The following PRKAR1A variants were observed in gnomAD, a reference collection of about 807,000 sequenced individuals.
PRKAR1A encodes protein kinase cAMP-dependent type I regulatory subunit alpha, also known as cAMP-dependent protein kinase type I-alpha regulatory subunit.
In PRKAR1A, 3 loss-of-function variants were observed where a neutral mutation model predicts 52.0. The observed-to-expected ratio is 0.06, with a 90% confidence interval of 0.03 to 0.15. The LOEUF (loss-of-function observed/expected upper bound fraction) is 0.15, where lower values mean the gene tolerates loss of function less well. Among genes scored for constraint, PRKAR1A ranks in the 10% least tolerant of loss-of-function variants. The pLI, the probability that PRKAR1A is intolerant of heterozygous loss-of-function variation, is 1.00. For synonymous variants in PRKAR1A, 188 were observed against 168.4 expected (o/e 1.12, Z -0.90); for missense variants, 240 against 477.4 (o/e 0.50, Z 4.63).
the PRKAR1A span, among the ~76,000 whole-genome samples, chr17:68,478,854 A>C: frequency 2.0e-5 from 3 of 151,792 alleles, no homozygotes; most frequent in Non-Finnish European, 4.4e-5. Context: ...CAGCCTCCCG[A>C]GTAGCTGGGA....
intron 11 of PRKAR1A, chr17:68,540,953 T>G: frequency 6.3e-7 from 1 of 1,586,768 alleles, no homozygotes; most frequent in Non-Finnish European, 8.6e-7. Flanking sequence ...GGGATTGACC[T>G]CCCACCTGAG....
chr17:68,486,488 TC>T, the PRKAR1A span, among the ~76,000 whole-genome samples: 179 of 42,880 alleles, frequency 4.2e-3, no homozygotes, highest in South Asian at 0.013. Context: ...CTTCCTTCCT[TC>T]CTTCCTTCCT....
At chr17:68,479,266 C>T in the PRKAR1A span, among the ~76,000 whole-genome samples, 3 of 152,164 alleles carry the variant, frequency 2.0e-5, no homozygotes, top group Non-Finnish European at 4.4e-5. Context: ...CCTTCATCTT[C>T]GTACTGTGAG....
chr17:68,490,480 C>G, the PRKAR1A span, among the ~76,000 whole-genome samples: 9 of 152,194 alleles, frequency 5.9e-5, no homozygotes, highest in African/African-American at 2.2e-4. Context: ...TTATAAAAGA[C>G]AGAGGAGGCT....
chr17:68,457,954 G>T, the PRKAR1A span, among the ~76,000 whole-genome samples: 1 of 152,144 alleles, frequency 6.6e-6, no homozygotes, highest in African/African-American at 2.4e-5. Flanking sequence ...CTGCGTCGGG[G>T]CCGCCGCAAG....
chr17:68,448,149 T>G, the PRKAR1A span, among the ~76,000 whole-genome samples: 1 of 152,140 alleles, frequency 6.6e-6, no homozygotes, highest in Non-Finnish European at 1.5e-5. Flanking sequence ...ACACTCCCCT[T>G]GGGCCTTTAT....
chr17:68,428,840 G>T, the PRKAR1A span: 1 of 1,613,466 alleles, frequency 6.2e-7, no homozygotes, highest in South Asian at 1.1e-5. Context: ...TGTGGGTTTT[G>T]ATTAAGACAC....
Position 68,515,437 on chromosome 17 carries a change from G to A in PRKAR1A, c.38G>A (p.Arg13His), listed in dbSNP as rs2143149544. Residue 13 changes from arginine to histidine, a missense_variant, in exon 2 of 11, where the codon CGC (arginine) becomes CAC (histidine). Coordinates refer to ENST00000589228, the MANE Select transcript of PRKAR1A (RefSeq NM_002734.5). ...SGSTAASEEA[R>H]SLRECELYVQ... ...AGTACCGCCGCCAGTGAGGAGGCAC[G>A]CAGCCTTCGAGAATGTGAGCTCTAC... The A allele has an allele frequency of 6.2e-7, 1 of 1,613,548 alleles. No individual in the cohort carries two copies. Among genetic ancestry groups the A allele is most frequent in the East Asian group, 2.2e-5 (1 of 44,878 alleles).
chr17:68,464,899 T>A, the PRKAR1A span, among the ~76,000 whole-genome samples: 1 of 149,996 alleles, frequency 6.7e-6, no homozygotes. Context: ...AAAAACAGCA[T>A]TTTAAGAATG....
chr17:68,478,220 G>A, the PRKAR1A span, among the ~76,000 whole-genome samples: 6 of 152,098 alleles, frequency 3.9e-5, no homozygotes. Context: ...TTGGGGGGCC[G>A]AGGGGGGTGG....
At chr17:68,524,321 T>C (rs1419400508) in intron 5 of PRKAR1A, among the ~76,000 whole-genome samples, 7 of 152,204 alleles carry the variant, frequency 4.6e-5, no homozygotes, top group Admixed American at 4.6e-4. Context: ...ATGCCTACAT[T>C]GTCTTACCTT....
the PRKAR1A span, among the ~76,000 whole-genome samples, chr17:68,459,813 T>A: frequency 6.6e-6 from 1 of 151,940 alleles, no homozygotes; most frequent in Non-Finnish European, 1.5e-5. Context: ...ATAAAGATAA[T>A]CAATATAAAG....
At chr17:68,433,784 T>G in the PRKAR1A span, among the ~76,000 whole-genome samples, 3 of 86,936 alleles carry the variant, frequency 3.5e-5, no homozygotes, top group East Asian at 4.9e-4. Context: ...TTTTTTTTTT[T>G]TTTTTTTTTT....
intron 11 of PRKAR1A, among the ~76,000 whole-genome samples, chr17:68,543,140 A>G (rs1024649364): frequency 6.6e-6 from 1 of 152,148 alleles, no homozygotes; most frequent in Non-Finnish European, 1.5e-5. Context: ...GTTCAAATAC[A>G]GGGTCTGATT....
At chr17:68,542,298 GA>G in intron 11 of PRKAR1A, 2 of 1,018,012 alleles carry the variant, frequency 2.0e-6, no homozygotes, top group Non-Finnish European at 2.9e-6. Flanking sequence ...GAAGAAGAAG[GA>G]AACATTGACT....
the PRKAR1A span, among the ~76,000 whole-genome samples, chr17:68,498,080 G>C: frequency 5.3e-5 from 8 of 151,790 alleles, no homozygotes; most frequent in South Asian, 2.1e-4. Flanking sequence ...GGAAGTAAAG[G>C]GGGGGTTAAG....
In PRKAR1A at chr17:68,530,717, A is replaced by G; in HGVS notation, c.*268A>G. 2.9e-6 allele frequency: 4 copies of G among 1,363,432 alleles called. No individual in the cohort carries two copies. The highest frequency in any genetic ancestry group is 3.8e-6 in the Non-Finnish European group (4 of 1,054,034). 84.5% of individuals were successfully genotyped at this position (1,363,432 alleles called of 1,614,324 possible). ...TGCAGTGTTAGTATTCACCCTGGGC[A>G]GTGAGTGCCATGCTTTTTGGTGAGG... On this transcript the variant is annotated 3_prime_UTR_variant, in exon 11 of 11. Transcript: ENST00000589228.
At chr17:68,548,906 G>C (rs1193116226) in intron 11 of PRKAR1A, among the ~76,000 whole-genome samples, 1 of 151,452 alleles carries the variant, frequency 6.6e-6, no homozygotes, top group Non-Finnish European at 1.5e-5. Context: ...CTAATTTTTT[G>C]TATTTTTAGT....
chr17:68,424,143 T>G, the PRKAR1A span, among the ~76,000 whole-genome samples: 8 of 152,208 alleles, frequency 5.3e-5, no homozygotes, highest in Admixed American at 5.2e-4. Flanking sequence ...GGTTTATAGT[T>G]AGGCAGCATG....
Sources: allele counts gnomAD v4.1 joint callset (sites outside exome capture counted in the v4.1 genomes callset), GRCh38; gene constraint gnomAD v4.1.1; transcripts MANE v1.5; gene names NCBI Gene and HGNC (gene_info 2026-07-23, HGNC 2026-07-21).